Variants in MGLL observed in about 807,000 individuals in gnomAD.
MGLL encodes lysophospholipase homolog.
A neutral mutation model predicts 29.1 loss-of-function variants in MGLL; 7 were observed. The ratio of observed to expected loss-of-function variants is 0.24; its 90% CI spans 0.14 to 0.45. The LOEUF is 0.45. MGLL is among the 20% of genes least tolerant of loss of function. The probability of loss-of-function intolerance (pLI) is 0.99; values close to 1 mark genes in which losing one functional copy is unlikely to be tolerated. For missense variants in MGLL, 356 were observed against 413.6 expected (o/e 0.86, Z 1.21); for synonymous variants, 148 against 168.3 (o/e 0.88, Z 0.93).
chr3:127,778,195 T>C (rs537798830), intron 3 of MGLL, among the ~76,000 whole-genome samples: 98 of 152,362 alleles, frequency 6.4e-4, no homozygotes, highest in African/African-American at 4.8e-4. Flanking sequence ...AATCGTGTCA[T>C]AGAAACCGGG....
intron 3 of MGLL, chr3:127,736,023 C>T (rs953417359): frequency 1.3e-5 from 18 of 1,390,010 alleles, no homozygotes; most frequent in African/African-American, 8.7e-5. Flanking sequence ...ATGGAACAGA[C>T]CTTTTTATTT....
At chr3:127,697,675 T>C (rs187301150) in intron 6 of MGLL, among the ~76,000 whole-genome samples, 1 of 152,354 alleles carries the variant, frequency 6.6e-6, no homozygotes, top group East Asian at 1.9e-4. Context: ...GTGCACATTC[T>C]GGGTTGACGG....
chr3:127,750,619 GGC>G (rs2076539974), intron 3 of MGLL, among the ~76,000 whole-genome samples: 1 of 115,690 alleles, frequency 8.6e-6, no homozygotes, highest in South Asian at 3.0e-4. Context: ...TCCACTCCCG[GGC>G]AAACGCACAC....
chr3:127,746,380 C>T (rs2076443210), intron 3 of MGLL, among the ~76,000 whole-genome samples: 1 of 152,124 alleles, frequency 6.6e-6, no homozygotes, highest in South Asian at 2.1e-4. Context: ...CCTGGGCTCA[C>T]AGATCCACCC....
At chr3:127,766,116 TA>T (rs2076851113) in intron 3 of MGLL, among the ~76,000 whole-genome samples, 1 of 152,178 alleles carries the variant, frequency 6.6e-6, no homozygotes, top group African/African-American at 2.4e-5. Context: ...CCTATGAAGA[TA>T]TTTCCCCATG....
chr3:127,712,443 C>G (rs953873338), intron 5 of MGLL: 1 of 152,262 alleles, frequency 6.6e-6, no homozygotes, highest in Non-Finnish European at 1.5e-5. Context: ...GGGCTTTGTT[C>G]CATGTGCATG....
At chr3:127,727,704 T>TAA (rs1177079179) in intron 3 of MGLL, among the ~76,000 whole-genome samples, 24,305 of 80,540 alleles carry the variant, frequency 0.3, 4,558 homozygotes, top group Non-Finnish European at 0.41. Flanking sequence ...AGAGCAAGGC[T>TAA]AAAAAAAAAA....
chr3:127,753,843 A>G (rs1006193008), intron 3 of MGLL, among the ~76,000 whole-genome samples: 4 of 152,216 alleles, frequency 2.6e-5, no homozygotes, highest in Non-Finnish European at 4.4e-5. Flanking sequence ...TCCAGAGCAC[A>G]GGCAGGTCTC....
intron 2 of MGLL, among the ~76,000 whole-genome samples, chr3:127,787,123 T>A (rs758745001): frequency 2.6e-5 from 4 of 152,224 alleles, no homozygotes; most frequent in Non-Finnish European, 5.9e-5. Context: ...ACCCGCCTCC[T>A]GCATGAGGAG....
chr3:127,796,981 G>T, intron 2 of MGLL, among the ~76,000 whole-genome samples: 1 of 152,110 alleles, frequency 6.6e-6, no homozygotes, highest in East Asian at 1.9e-4. Flanking sequence ...GCCTTACCCA[G>T]CCTGCTAAGC....
At chr3:127,809,355 G>A (rs2077621003) in intron 2 of MGLL, among the ~76,000 whole-genome samples, 1 of 152,182 alleles carries the variant, frequency 6.6e-6, no homozygotes, top group Admixed American at 6.5e-5. Context: ...GCCAGGTGTG[G>A]TGGCTCACAC....
chr3:127,725,163 T>A (rs2076008681), intron 3 of MGLL, among the ~76,000 whole-genome samples: 1 of 152,204 alleles, frequency 6.6e-6, no homozygotes, highest in Admixed American at 6.5e-5. Context: ...TTCCGAGATC[T>A]TGGCTCACTC....
intron 3 of MGLL, among the ~76,000 whole-genome samples, chr3:127,726,365 A>C (rs1210974392): frequency 6.6e-6 from 1 of 152,114 alleles, no homozygotes; most frequent in Non-Finnish European, 1.5e-5. Context: ...AAAGAATGAA[A>C]GAAAGAAAAG....
chr3:127,805,479 C>T (rs965460750), intron 2 of MGLL, among the ~76,000 whole-genome samples: 1 of 152,130 alleles, frequency 6.6e-6, no homozygotes, highest in Admixed American at 6.5e-5. Flanking sequence ...AGGCTCATAC[C>T]GCAGACCTGG....
intron 2 of MGLL, among the ~76,000 whole-genome samples, chr3:127,791,790 G>A (rs1427337604): frequency 2.0e-5 from 3 of 152,224 alleles, no homozygotes; most frequent in African/African-American, 7.2e-5. Flanking sequence ...TGCAGCATCT[G>A]TTGGGAGTAG....
intron 6 of MGLL, among the ~76,000 whole-genome samples, chr3:127,703,556 C>A (rs187581735): frequency 3.9e-5 from 6 of 152,148 alleles, no homozygotes; most frequent in Non-Finnish European, 7.3e-5. Context: ...AGTATTCAGG[C>A]GCATTCAGGA....
intron 3 of MGLL, chr3:127,736,250 AT>A: frequency 2.0e-6 from 2 of 988,760 alleles, no homozygotes; most frequent in Non-Finnish European, 2.4e-6. Flanking sequence ...CTTTAAAAAA[AT>A]GGACGTTCAT....
At chr3:127,723,028 A>C (rs1309780409) in intron 3 of MGLL, among the ~76,000 whole-genome samples, 1 of 152,250 alleles carries the variant, frequency 6.6e-6, no homozygotes, top group Admixed American at 6.5e-5. Context: ...TCAGCCCCTC[A>C]TCTTACAGTT....
chr3:127,724,763 C>T (rs758278075), intron 3 of MGLL, among the ~76,000 whole-genome samples: 48 of 152,338 alleles, frequency 3.2e-4, no homozygotes, highest in Non-Finnish European at 4.9e-4. Flanking sequence ...CAGGCTCCCT[C>T]TTCCCACAGG....
Sources: allele counts gnomAD v4.1 joint callset (sites outside exome capture counted in the v4.1 genomes callset), GRCh38; gene constraint gnomAD v4.1.1; transcripts MANE v1.5; gene names NCBI Gene and HGNC (gene_info 2026-07-23, HGNC 2026-07-21).